SH3BP4: variants seen among roughly 807,000 people sequenced by gnomAD.
SH3BP4 encodes the protein SH3 domain binding protein 4, also known as SH3 domain-binding protein 4.
A neutral mutation model predicts 65.5 loss-of-function variants in SH3BP4; 33 were observed. The ratio of observed to expected loss-of-function variants is 0.50; its 90% CI spans 0.38 to 0.67. The LOEUF (loss-of-function observed/expected upper bound fraction) is 0.67. Ranked by LOEUF, SH3BP4 falls within the 30% of genes least tolerant of loss-of-function variation. The pLI, the probability that SH3BP4 is intolerant of heterozygous loss-of-function variation, is 0.00. For synonymous variants in SH3BP4, 552 were observed against 545.5 expected (o/e 1.01, Z -0.17); for missense variants, 1,134 against 1,261.4 (o/e 0.90, Z 1.53).
rs1693917991 is a variant in SH3BP4 at position 234,996,316 on chromosome 2, TC to T, written c.-133+941del. 2.0e-5 allele frequency among the ~76,000 whole-genome samples: 3 copies of T among 152,348 alleles called. No individual in the cohort carries two copies. The East Asian group carries it at 5.8e-4, about 29-fold the overall frequency. ...AGCTACTTGCACTGTTTCAGGTTTTTCTTTAAATCCTGTAAACTGAGGGTAG... is the reference window on the plus strand; with the variant it reads ...AGCTACTTGCACTGTTTCAGGTTTTTTTTAAATCCTGTAAACTGAGGGTAG... On this transcript the variant is annotated intron_variant, in intron 2 of 5. Coordinates refer to ENST00000392011, the MANE Select transcript of SH3BP4 (RefSeq NM_014521.3).
intron 3 of SH3BP4, among the ~76,000 whole-genome samples, chr2:235,038,151 A>C: frequency 6.9e-6 from 1 of 144,824 alleles, no homozygotes; most frequent in African/African-American, 2.5e-5. Flanking sequence ...CTCCTCCTGC[A>C]AAAGAAACAC....
chr2:235,038,818 C>A (rs1448802444), intron 3 of SH3BP4, among the ~76,000 whole-genome samples: 1 of 152,046 alleles, frequency 6.6e-6, no homozygotes, highest in Non-Finnish European at 1.5e-5. Context: ...TTCTCAAATT[C>A]CTCCAGCTTA....
At chr2:234,984,892 C>T (rs961118857) in intron 1 of SH3BP4, among the ~76,000 whole-genome samples, 15 of 152,114 alleles carry the variant, frequency 9.9e-5, no homozygotes, top group African/African-American at 3.4e-4. Context: ...AAAAGCTAAT[C>T]GGGGGTCAGC....
At chr2:235,007,513 CA>C (rs1694333278) in intron 2 of SH3BP4, among the ~76,000 whole-genome samples, 1 of 152,154 alleles carries the variant, frequency 6.6e-6, no homozygotes, top group Non-Finnish European at 1.5e-5. Flanking sequence ...GCAGATCGTG[CA>C]GTGCCCAGGA....
chr2:234,979,387 T>A (rs1165633144), intron 1 of SH3BP4: 1 of 152,276 alleles, frequency 6.6e-6, no homozygotes, highest in African/African-American at 2.4e-5. Flanking sequence ...TTTTTAGTTT[T>A]ATCACATGGG....
Position 235,042,769 on chromosome 2 carries a change from G to A in SH3BP4, c.2000G>A (p.Arg667Gln), listed in dbSNP as rs373901927. The A allele has an allele frequency of 4.0e-5, 64 of 1,614,156 alleles. No homozygotes were observed. Among genetic ancestry groups the A allele is most frequent in the Middle Eastern group, 1.6e-4 (1 of 6,062 alleles). ...GGTAAGTTGCTCAAGACTGTGGTGC[G>A]GCAGAACAAGAACCACTACCTGCTG... is the stretch of plus-strand genomic sequence containing the variant. ...KFGKLLKTVV[R>Q]QNKNHYLLEY... The change falls in exon 4 of 6, where the codon CGG (arginine) becomes CAG (glutamine). Residue 667 changes from arginine to glutamine, a missense_variant. Transcript: ENST00000392011. This position sits in a 1 kb window ranked among gnomAD's most constrained non-coding sequence, Gnocchi z 7.3.
Position 235,034,889 on chromosome 2 carries a change from G to A in SH3BP4, c.-114G>A. The stretch of plus-strand genomic sequence containing the variant: ...CTTTCAGGAAGAAACATATTGCCGA[G>A]TGGATGCCGCCGCGCAGCGTGTTTG... On this transcript the variant is annotated 5_prime_UTR_variant, in exon 3 of 6. It adds an upstream start codon to the 5' untranslated region. Coordinates refer to ENST00000392011, the MANE Select transcript of SH3BP4 (RefSeq NM_014521.3). This position sits in a 1 kb window ranked among gnomAD's most constrained non-coding sequence, Gnocchi z 6.2. 3 of 821,902 alleles carry A rather than the reference G, an allele frequency of 3.7e-6. No individual in the cohort carries two copies. The highest frequency in any genetic ancestry group is 4.7e-5 in the Admixed American group (2 of 42,782). 50.9% of individuals were successfully genotyped at this position (821,902 alleles called of 1,614,324 possible). A position where few individuals can be genotyped will look rare whatever the true frequency, so the allele number is the denominator to read the frequency against.
intron 2 of SH3BP4, among the ~76,000 whole-genome samples, chr2:235,029,016 G>A (rs1695093330): frequency 1.3e-5 from 2 of 152,226 alleles, no homozygotes; most frequent in South Asian, 4.1e-4. Context: ...TTCAAACAGA[G>A]TCTGGAGGGT....
intron 1 of SH3BP4, among the ~76,000 whole-genome samples, chr2:234,992,711 T>C (rs1314582196): frequency 2.8e-5 from 4 of 143,132 alleles, no homozygotes; most frequent in Non-Finnish European, 6.1e-5. Context: ...GCTGCGTGGC[T>C]CTGGGTCTGG....
intron 1 of SH3BP4, among the ~76,000 whole-genome samples, chr2:234,969,199 A>G (rs1692914446): frequency 6.6e-6 from 1 of 152,248 alleles, no homozygotes; most frequent in African/African-American, 2.4e-5. Flanking sequence ...CTTGTTAGGC[A>G]GACTGACAGC....
At position 234,998,644 on chromosome 2, in the gene SH3BP4, C is replaced by T. The variant is rs146708444; in HGVS notation, c.-133+3268C>T. Among the ~76,000 whole-genome samples, 782 of 152,324 alleles carry T rather than the reference C, an allele frequency of 5.1e-3. 10 individuals are homozygous for T. The highest frequency in any genetic ancestry group is 0.018 in the African/African-American group (766 of 41,566). On this transcript the variant is annotated intron_variant, in intron 2 of 5. Coordinates refer to ENST00000392011, the MANE Select transcript of SH3BP4 (RefSeq NM_014521.3). ...TACATTCTTGGTCCTGTGTCACCAC[C>T]GCCTCTCTCTCGTTTCAAAACTTCG...
chr2:234,970,282 C>G (rs927129632), intron 1 of SH3BP4, among the ~76,000 whole-genome samples: 2 of 152,172 alleles, frequency 1.3e-5, no homozygotes, highest in Non-Finnish European at 2.9e-5. Flanking sequence ...AAGCCTTAAC[C>G]CCTCTGTAAA....
chr2:235,028,009 CG>C (rs1695058363), intron 2 of SH3BP4, among the ~76,000 whole-genome samples: 2 of 152,146 alleles, frequency 1.3e-5, no homozygotes, highest in Non-Finnish European at 2.9e-5. Flanking sequence ...AGTTTGCCGC[CG>C]GAATCTGTCA....
In SH3BP4 at chr2:235,046,677, C is replaced by T. The variant is rs1264751394; in HGVS notation, c.2478+3430C>T. On this transcript the variant is annotated intron_variant, in intron 4 of 5. Coordinates refer to ENST00000392011, the MANE Select transcript of SH3BP4 (RefSeq NM_014521.3). This position sits in a 1 kb window ranked among gnomAD's most constrained non-coding sequence, Gnocchi z 4.2. Reference sequence around the variant, plus strand: ...ATAGGTCCCATGAGAGGAAGGGCCCCGGCACATAAGAATCACTGAGGTACT... The same window carrying T: ...ATAGGTCCCATGAGAGGAAGGGCCCTGGCACATAAGAATCACTGAGGTACT... Among the ~76,000 whole-genome samples, 1 of 151,812 alleles carries T rather than the reference C, an allele frequency of 6.6e-6. No individual in the cohort carries two copies. Among genetic ancestry groups the T allele is most frequent in the South Asian group, 2.1e-4 (1 of 4,800 alleles).
At chr2:235,006,101 G>A (rs2106289042) in intron 2 of SH3BP4, among the ~76,000 whole-genome samples, 1 of 152,318 alleles carries the variant, frequency 6.6e-6, no homozygotes, top group South Asian at 2.1e-4. Flanking sequence ...CTGGAGTGGA[G>A]TGACCTGAGA....
Position 235,032,192 on chromosome 2 carries a change from G to A in SH3BP4, c.-132-2679G>A, listed in dbSNP as rs542518079. ...CCTCGGAGTAGCTCTGGACTGGTGG[G>A]GGTGGGAGCACCCCAGTCCCTGACA... On this transcript the variant is annotated intron_variant, in intron 2 of 5. Transcript: ENST00000392011. Among the ~76,000 whole-genome samples, 388 of 152,298 alleles carry A rather than the reference G, an allele frequency of 2.5e-3. 3 individuals carry two copies. Among genetic ancestry groups the A allele is most frequent in the Non-Finnish European group, 1.6e-3 (111 of 68,036 alleles).
Position 235,042,506 on chromosome 2 carries a change from G to C in SH3BP4, c.1737G>C (p.Gln579His), listed in dbSNP as rs776001473. The change falls in exon 4 of 6, where the codon CAG becomes CAC. Residue 579 changes from glutamine to histidine, a missense_variant. By Grantham distance (24) the Gln-to-His change is conservative. Transcript: ENST00000392011. The surrounding 1 kb of genome is among the most constrained non-coding windows in gnomAD (Gnocchi z 7.3). ...GCCTGATCTTCCCCATCACCTCCCAGAACCCCAACGAGCTCTCTGACTTCA... is the reference window on the plus strand; with the variant it reads ...GCCTGATCTTCCCCATCACCTCCCACAACCCCAACGAGCTCTCTGACTTCA... ...VSRLIFPITS[Q>H]NPNELSDFTL... 1.2e-6 allele frequency: 2 copies of C among 1,614,026 alleles called. No individual in the cohort carries two copies. Among genetic ancestry groups the C allele is most frequent in the Admixed American group, 1.7e-5 (1 of 59,994 alleles).
chr2:234,980,137 T>A (rs1446080925), intron 1 of SH3BP4, among the ~76,000 whole-genome samples: 1 of 152,218 alleles, frequency 6.6e-6, no homozygotes, highest in African/African-American at 2.4e-5. Flanking sequence ...CTGTTTTCAT[T>A]ACTATGTGCC....
At position 234,977,207 on chromosome 2, in the gene SH3BP4, G is replaced by A. The variant is rs1693194553; in HGVS notation, c.-206-18096G>A. ...GGCCTGACCCTCTGCACCCGTGTCTGCTTCAGGCAGGTGACACTGGGCACC... is the reference window on the plus strand; with the variant it reads ...GGCCTGACCCTCTGCACCCGTGTCTACTTCAGGCAGGTGACACTGGGCACC... On this transcript the variant is annotated intron_variant, in intron 1 of 5. Coordinates refer to ENST00000392011, the MANE Select transcript of SH3BP4 (RefSeq NM_014521.3). The surrounding 1 kb of genome is among the most constrained non-coding windows in gnomAD (Gnocchi z 5.1). 6.6e-6 allele frequency among the ~76,000 whole-genome samples: 1 copy of A among 152,232 alleles called. No individual in the cohort carries two copies. Among genetic ancestry groups the A allele is most frequent in the South Asian group, 2.1e-4 (1 of 4,836 alleles).
Sources: allele counts gnomAD v4.1 joint callset (sites outside exome capture counted in the v4.1 genomes callset), GRCh38; gene constraint gnomAD v4.1.1; non-coding constraint Gnocchi (gnomAD v3.1); transcripts MANE v1.5; gene names NCBI Gene and HGNC (gene_info 2026-07-23, HGNC 2026-07-21).